Variants in GPR173 observed in about 807,000 individuals in gnomAD.
GPR173 encodes the protein probable G protein-coupled receptor 173.
In GPR173, 2 loss-of-function variants were observed where a neutral mutation model predicts 13.9. That is an observed-to-expected ratio of 0.14 (90% CI 0.06 to 0.45). The LOEUF (loss-of-function observed/expected upper bound fraction) is 0.45. Among genes scored for constraint, GPR173 ranks in the 20% least tolerant of loss-of-function variants. The pLI is 0.98. For missense variants in GPR173, 202 were observed against 340.5 expected (o/e 0.59, Z 3.20); for synonymous variants, 131 against 141.0 (o/e 0.93, Z 0.50).
At position 53,074,061 on chromosome X, in the gene GPR173, A is replaced by ATAAAT. The variant is rs1932340794; in HGVS notation, c.-97-2464_-97-2463insTAAAT. On this transcript the variant is annotated intron_variant, in intron 1 of 1. Coordinates refer to ENST00000332582, the MANE Select transcript of GPR173 (RefSeq NM_018969.6). ...ATATAAATATAAATATATATTTATA[A>ATAAAT]ATATATAAATATACATGTATATTTA... Among the ~76,000 whole-genome samples, 6 of 30,894 alleles carry ATAAAT rather than the reference A, an allele frequency of 1.9e-4. 1 individual carries two copies. The highest frequency in any genetic ancestry group is 1.0e-3 in the Admixed American group (2 of 1,911). 26.8% of individuals were successfully genotyped at this position (30,894 alleles called of 115,157 possible).
rs1371860522 is a variant in GPR173 at position 53,078,589 on chromosome X, A to G, written c.*846A>G. 1.6e-5 allele frequency: 2 copies of G among 121,984 alleles called. No homozygotes were observed. The highest frequency in any genetic ancestry group is 3.8e-5 in the Non-Finnish European group (2 of 53,034). 10.1% of individuals were successfully genotyped at this position (121,984 alleles called of 1,213,427 possible). ...CTGCCTTCAGGATCCCCAGCCCCCA[A>G]CTCTTCTTCCTGAGGATGGAAATCC... On this transcript the variant is annotated 3_prime_UTR_variant, in exon 2 of 2. Transcript: ENST00000332582.
rs201191042 is a variant in GPR173, at chrX:53,055,364, TG to T, written c.-98+5883del. On this transcript the variant is annotated intron_variant, in intron 1 of 1. Coordinates refer to ENST00000332582, the MANE Select transcript of GPR173 (RefSeq NM_018969.6). ...GTGTGTGGATGTATTGGGGGTGGAGTGGGTTTGAATGTGGGTGTATCTGGAT... is the reference window on the plus strand; with the variant it reads ...GTGTGTGGATGTATTGGGGGTGGAGTGGTTTGAATGTGGGTGTATCTGGAT... Among the ~76,000 whole-genome samples, 583 of 107,518 alleles carry T rather than the reference TG, an allele frequency of 5.4e-3. 9 individuals are homozygous for T. The highest frequency in any genetic ancestry group is 0.019 in the African/African-American group (555 of 29,287). 93.4% of individuals were successfully genotyped at this position (107,518 alleles called of 115,157 possible).
At position 53,057,100 on chromosome X, in the gene GPR173, T is replaced by A. The variant is rs782329290; in HGVS notation, c.-98+7616T>A. Among the ~76,000 whole-genome samples the A allele has an allele frequency of 1.3e-3, 142 of 111,875 alleles. 2 individuals are homozygous for A. Among genetic ancestry groups the A allele is most frequent in the Non-Finnish European group, 1.6e-3 (87 of 53,135 alleles). Reference sequence around the variant, plus strand: ...GAGTACTATTACCTATCTCATAGGATGAGGATTGGGTGAGTTATATGAAAA... The same window carrying A: ...GAGTACTATTACCTATCTCATAGGAAGAGGATTGGGTGAGTTATATGAAAA... On this transcript the variant is annotated intron_variant, in intron 1 of 1. Coordinates refer to ENST00000332582, the MANE Select transcript of GPR173 (RefSeq NM_018969.6).
intron 1 of GPR173, among the ~76,000 whole-genome samples, chrX:53,062,431 A>G (rs1556803887): frequency 9.1e-6 from 1 of 109,358 alleles, no homozygotes; most frequent in Admixed American, 9.9e-5. Flanking sequence ...ATAGCAAATT[A>G]CTTTCTTCCA....
chrX:53,064,172 C>G (rs2146677715), intron 1 of GPR173, among the ~76,000 whole-genome samples: 1 of 111,712 alleles, frequency 9.0e-6, no homozygotes, highest in Non-Finnish European at 1.9e-5. Context: ...AAGCCACTTC[C>G]ACATTTTCAG....
At chrX:53,062,974 G>A (rs1932149070) in intron 1 of GPR173, among the ~76,000 whole-genome samples, 1 of 111,257 alleles carries the variant, frequency 9.0e-6, no homozygotes, top group Non-Finnish European at 1.9e-5. Context: ...AGCTCTCATG[G>A]GTTGAAGTCT....
chrX:53,061,185 T>C (rs1417744551), intron 1 of GPR173, among the ~76,000 whole-genome samples: 1 of 105,340 alleles, frequency 9.5e-6, no homozygotes, highest in Non-Finnish European at 1.9e-5. Flanking sequence ...ATTGCGCCAC[T>C]GCACTCCAGC....
chrX:53,070,663 T>C (rs1445955106), intron 1 of GPR173, among the ~76,000 whole-genome samples: 1 of 109,506 alleles, frequency 9.1e-6, no homozygotes, highest in Non-Finnish European at 1.9e-5. Flanking sequence ...TTTGTATTTT[T>C]AGTAGAGACA....
At chrX:53,059,390 G>A (rs1042209057) in intron 1 of GPR173, among the ~76,000 whole-genome samples, 3 of 108,071 alleles carry the variant, frequency 2.8e-5, no homozygotes, top group African/African-American at 6.7e-5. Flanking sequence ...CCTCCATGCC[G>A]GGCTAATTTT....
intron 1 of GPR173, among the ~76,000 whole-genome samples, chrX:53,052,368 T>C (rs1556802787): frequency 9.0e-6 from 1 of 111,609 alleles, no homozygotes; most frequent in Non-Finnish European, 1.9e-5. Context: ...TGAGTACATG[T>C]CTGTGGCGTG....
intron 1 of GPR173, among the ~76,000 whole-genome samples, chrX:53,068,907 T>C (rs1932221797): frequency 9.5e-6 from 1 of 105,806 alleles, no homozygotes; most frequent in East Asian, 2.9e-4. Context: ...GAGCTATGAT[T>C]ACACCACCGC....
intron 1 of GPR173, among the ~76,000 whole-genome samples, chrX:53,073,053 T>C (rs1436923342): frequency 1.8e-5 from 2 of 110,590 alleles, no homozygotes; most frequent in Non-Finnish European, 3.8e-5. Context: ...CAAAACCCTG[T>C]CTCTACTAAA....
At chrX:53,053,306 GGTGT>G (rs201950137) in intron 1 of GPR173, among the ~76,000 whole-genome samples, 1 of 112,326 alleles carries the variant, frequency 8.9e-6, no homozygotes, top group African/African-American at 3.2e-5. Context: ...GTCATGTCTG[GGTGT>G]GTGTGTGCAC....
intron 1 of GPR173, among the ~76,000 whole-genome samples, chrX:53,052,610 T>TAC (rs1556802860): frequency 4.6e-5 from 5 of 108,470 alleles, no homozygotes; most frequent in African/African-American, 1.4e-4. Flanking sequence ...CACGTGTGTG[T>TAC]GTGTGTGTGT....
rs973863719 is a variant in GPR173 at position 53,051,190 on chromosome X, G to C, written c.-98+1706G>C. ...GAGCTGCTCACCTAGAGCCTGGGGTGGGGGAAGAACGGGGTCTGCTGGCTG... is the reference window on the plus strand; with the variant it reads ...GAGCTGCTCACCTAGAGCCTGGGGTCGGGGAAGAACGGGGTCTGCTGGCTG... On this transcript the variant is annotated intron_variant, in intron 1 of 1. Transcript: ENST00000332582. Among the ~76,000 whole-genome samples, 5 of 111,118 alleles carry C rather than the reference G, an allele frequency of 4.5e-5. No homozygotes were observed. The Admixed American group carries it at 4.8e-4, about 11-fold the overall frequency.
chrX:53,057,981 C>T (rs1932063237), intron 1 of GPR173, among the ~76,000 whole-genome samples: 1 of 112,020 alleles, frequency 8.9e-6, no homozygotes, highest in South Asian at 3.7e-4. Context: ...TTATCTGTAT[C>T]TATACGTCTG....
intron 1 of GPR173, among the ~76,000 whole-genome samples, chrX:53,073,945 TTATGTATATTTATATATAAATA>T (rs1932321267): frequency 5.1e-4 from 1 of 1,959 alleles, no homozygotes; most frequent in African/African-American, 3.9e-3. Flanking sequence ...AAATATATAT[TTATGTATATTTATATATAAATA>T]TATATTTATA....
intron 1 of GPR173, among the ~76,000 whole-genome samples, chrX:53,049,935 GGT>G (rs782209160): frequency 0.17 from 15,388 of 92,465 alleles, 1,065 homozygotes; most frequent in South Asian, 0.21. Flanking sequence ...CTGCTGGCCG[GGT>G]GTGTGTGTGT....
chrX:53,056,366 T>TG (rs1932039027), intron 1 of GPR173, among the ~76,000 whole-genome samples: 1 of 109,933 alleles, frequency 9.1e-6, no homozygotes, highest in African/African-American at 3.3e-5. Context: ...TGTGAGAGCG[T>TG]GGGGTATATC....
Sources: allele counts gnomAD v4.1 joint callset (sites outside exome capture counted in the v4.1 genomes callset), GRCh38; gene constraint gnomAD v4.1.1; transcripts MANE v1.5; gene names NCBI Gene and HGNC (gene_info 2026-07-23, HGNC 2026-07-21).